RCAN1: variants seen among roughly 807,000 people sequenced by gnomAD.
The protein encoded by RCAN1 is regulator of calcineurin 1.
In RCAN1, 11 loss-of-function variants were observed where a neutral mutation model predicts 22.9. That is an observed-to-expected ratio of 0.48 (90% CI 0.30 to 0.79). RCAN1 has a LOEUF of 0.79. Ranked by LOEUF, RCAN1 falls within the 30% of genes least tolerant of loss-of-function variation. The pLI is 0.06. For missense variants in RCAN1, 291 were observed against 337.8 expected (o/e 0.86, Z 1.09); for synonymous variants, 136 against 142.3 (o/e 0.96, Z 0.32).
At chr21:34,523,448 C>T (rs1390076663) in intron 2 of RCAN1, 89 bp downstream of exon 2, 1 of 1,270,348 alleles carries the variant, frequency 7.9e-7, no homozygotes, top group Non-Finnish European at 1.1e-6. Flanking sequence ...AGTTTCCGGT[C>T]AGCATATAAC....
At chr21:34,571,927 A>G (rs1987247564) in intron 1 of RCAN1, among the ~76,000 whole-genome samples, 1 of 152,226 alleles carries the variant, frequency 6.6e-6, no homozygotes, top group South Asian at 2.1e-4. Context: ...TTTTACTTGC[A>G]TGCCTATCAA....
At position 34,609,706 on chromosome 21, in the gene RCAN1, G is replaced by A. The variant is rs79728474; in HGVS notation, c.252+5054C>T. Among the ~76,000 whole-genome samples, 727 of 152,236 alleles carry A rather than the reference G, an allele frequency of 4.8e-3. 23 individuals are homozygous for A. The East Asian group carries it at 0.078, about 16-fold the overall frequency. On this transcript the variant is annotated intron_variant, in intron 1 of 3. Coordinates refer to ENST00000313806, the MANE Select transcript of RCAN1 (RefSeq NM_004414.7). ...CAGTAACATTTAAAGCTACTGCTATGGAAGAAAAAATGCTTTAAGTAATGA... is the reference window on the plus strand; with the variant it reads ...CAGTAACATTTAAAGCTACTGCTATAGAAGAAAAAATGCTTTAAGTAATGA...
intron 1 of RCAN1, among the ~76,000 whole-genome samples, chr21:34,573,736 G>A (rs1342338217): frequency 6.6e-6 from 1 of 152,146 alleles, no homozygotes; most frequent in African/African-American, 2.4e-5. Context: ...TCAATAAGGA[G>A]CATTCCTCTT....
At chr21:34,537,569 A>T (rs1985727750) in intron 1 of RCAN1, among the ~76,000 whole-genome samples, 1 of 152,226 alleles carries the variant, frequency 6.6e-6, no homozygotes. Flanking sequence ...CCCAGGCCTC[A>T]TCACTGTCTG....
intron 1 of RCAN1, among the ~76,000 whole-genome samples, chr21:34,533,382 G>T (rs547275849): frequency 1.3e-4 from 20 of 152,056 alleles, no homozygotes; most frequent in South Asian, 2.1e-4. Flanking sequence ...TTATTTTGGG[G>T]TTTTTTTAAT....
At chr21:34,541,870 C>T (rs1019695733) in intron 1 of RCAN1, among the ~76,000 whole-genome samples, 1 of 152,116 alleles carries the variant, frequency 6.6e-6, no homozygotes, top group Non-Finnish European at 1.5e-5. Flanking sequence ...GGAAGTGGAG[C>T]TTGCAGTGAG....
chr21:34,592,594 G>A (rs762600051), intron 1 of RCAN1, among the ~76,000 whole-genome samples: 2 of 152,156 alleles, frequency 1.3e-5, no homozygotes, highest in Admixed American at 6.5e-5. Flanking sequence ...CCTTCCCGGA[G>A]CCGTCTACAT....
At chr21:34,613,005 TC>T (rs1378655968) in intron 1 of RCAN1, among the ~76,000 whole-genome samples, 1 of 152,134 alleles carries the variant, frequency 6.6e-6, no homozygotes, top group Non-Finnish European at 1.5e-5. Context: ...ATTGTCTATC[TC>T]CCCCTCAACC....
Position 34,583,178 on chromosome 21 carries a change from C to T in RCAN1, c.252+31582G>A, listed in dbSNP as rs78065743. On this transcript the variant is annotated intron_variant, in intron 1 of 3. Transcript: ENST00000313806. The stretch of plus-strand genomic sequence containing the variant: ...TGGACTACACAGTTGGCGATAGGGC[C>T]TTTTTTTTTTTTTTTTTTTGAGACA... Among the ~76,000 whole-genome samples, 711 of 114,328 alleles carry T rather than the reference C, an allele frequency of 6.2e-3. 13 individuals carry two copies. Among genetic ancestry groups the T allele is most frequent in the East Asian group, 0.039 (143 of 3,632 alleles). 75.0% of individuals were successfully genotyped at this position (114,328 alleles called of 152,430 possible).
chr21:34,550,204 C>G (rs546486996), intron 1 of RCAN1, among the ~76,000 whole-genome samples: 9 of 152,302 alleles, frequency 5.9e-5, no homozygotes, highest in Admixed American at 3.9e-4. Flanking sequence ...GCAGATGTGT[C>G]ATCTCCCAAT....
chr21:34,526,530 G>A (rs763097354), intron 1 of RCAN1: 11 of 872,520 alleles, frequency 1.3e-5, no homozygotes, highest in East Asian at 1.2e-4. Flanking sequence ...TTCAAGGCTC[G>A]AAAGACTTTG....
chr21:34,529,146 C>G (rs78558924), intron 1 of RCAN1, among the ~76,000 whole-genome samples: 1 of 152,088 alleles, frequency 6.6e-6, no homozygotes, highest in Admixed American at 6.5e-5. Flanking sequence ...GAGTAAGAGC[C>G]GGTCAAAATG....
At chr21:34,538,691 G>A (rs910484521) in intron 1 of RCAN1, among the ~76,000 whole-genome samples, 3 of 152,174 alleles carry the variant, frequency 2.0e-5, no homozygotes, top group East Asian at 3.8e-4. Context: ...GACCCTTATC[G>A]GAGCAGGAGG....
Position 34,599,792 on chromosome 21 carries a change from C to T in RCAN1, c.252+14968G>A, listed in dbSNP as rs145546583. On this transcript the variant is annotated intron_variant, in intron 1 of 3. Coordinates refer to ENST00000313806, the MANE Select transcript of RCAN1 (RefSeq NM_004414.7). Reference sequence around the variant, plus strand: ...AGTTGGTCATAAAAAAATCATCTAACGAATGTGACAATCTATAGTTGGTGC... The same window carrying T: ...AGTTGGTCATAAAAAAATCATCTAATGAATGTGACAATCTATAGTTGGTGC... 4.2e-3 allele frequency among the ~76,000 whole-genome samples: 636 copies of T among 152,198 alleles called. 4 individuals carry two copies. Among genetic ancestry groups the T allele is most frequent in the Non-Finnish European group, 7.6e-3 (519 of 68,002 alleles).
intron 1 of RCAN1, among the ~76,000 whole-genome samples, chr21:34,594,020 T>C (rs941939480): frequency 6.6e-6 from 1 of 152,182 alleles, no homozygotes; most frequent in Non-Finnish European, 1.5e-5. Flanking sequence ...ATTTTCAGAG[T>C]TGTTGCAAAA....
intron 1 of RCAN1, among the ~76,000 whole-genome samples, chr21:34,550,928 C>T (rs868034560): frequency 3.3e-5 from 5 of 152,154 alleles, no homozygotes; most frequent in Admixed American, 6.5e-5. Context: ...ATCATATAGC[C>T]GATAGAATCT....
intron 3 of RCAN1, among the ~76,000 whole-genome samples, chr21:34,519,033 C>A (rs145933702): frequency 4.6e-4 from 70 of 152,286 alleles, no homozygotes; most frequent in African/African-American, 1.4e-3. Context: ...CAGCTCTGAG[C>A]CTGGCTCCTT....
chr21:34,612,209 T>C (rs1988702306), intron 1 of RCAN1, among the ~76,000 whole-genome samples: 1 of 152,180 alleles, frequency 6.6e-6, no homozygotes, highest in African/African-American at 2.4e-5. Context: ...CTGAAAGCCA[T>C]TCTCCACCAA....
Position 34,517,977 on chromosome 21 carries a change from A to C in RCAN1, c.*107T>G, listed in dbSNP as rs1056314277. The C allele has an allele frequency of 1.2e-5, 16 of 1,385,588 alleles. No individual in the cohort carries two copies. Among genetic ancestry groups the C allele is most frequent in the Non-Finnish European group, 1.6e-5 (16 of 998,132 alleles). 85.8% of individuals were successfully genotyped at this position (1,385,588 alleles called of 1,614,324 possible). On this transcript the variant is annotated 3_prime_UTR_variant, in exon 4 of 4. Transcript: ENST00000313806. ...AGCAACATGAACTGGGATTTCTGCC[A>C]CCCCGATCTCGGCTGCCACCTCCGA...
Sources: allele counts gnomAD v4.1 joint callset (sites outside exome capture counted in the v4.1 genomes callset), GRCh38; gene constraint gnomAD v4.1.1; transcripts MANE v1.5; gene names NCBI Gene and HGNC (gene_info 2026-07-23, HGNC 2026-07-21).